Variants in FARS2 observed in about 807,000 individuals in gnomAD.
FARS2 encodes phenylalanine--tRNA ligase, mitochondrial.
A neutral mutation model predicts 46.4 loss-of-function variants in FARS2; 40 were observed. The ratio of observed to expected loss-of-function variants is 0.86; its 90% confidence interval spans 0.67 to 1.12. The LOEUF is 1.12. FARS2 is among the 50% of genes most tolerant of loss of function. FARS2 has a pLI of 0.00. For synonymous variants in FARS2, 234 were observed against 214.9 expected, an observed-to-expected ratio of 1.09 and a Z score of -0.78; for missense variants, 513 against 567.9, an observed-to-expected ratio of 0.90 and a Z score of 0.98.
At chr6:5,607,849 A>G (rs1774930434) in intron 5 of FARS2, among the ~76,000 whole-genome samples, 1 of 152,204 alleles carries the variant, frequency 6.6e-6, no homozygotes, top group African/African-American at 2.4e-5. Context: ...CAAGAAAATC[A>G]GCAGATAAAA....
intron 4 of FARS2, among the ~76,000 whole-genome samples, chr6:5,480,217 G>GCGC (rs1431973854): frequency 6.6e-6 from 1 of 152,244 alleles, no homozygotes; most frequent in Non-Finnish European, 1.5e-5. Context: ...CTAAACGGAT[G>GCGC]CGCCAGAAAT....
chr6:5,716,190 A>G (rs1289766449), intron 6 of FARS2, among the ~76,000 whole-genome samples: 1 of 152,256 alleles, frequency 6.6e-6, no homozygotes, highest in Non-Finnish European at 1.5e-5. Context: ...TTTAAAGAAC[A>G]TAACTGCAAT....
intron 4 of FARS2, among the ~76,000 whole-genome samples, chr6:5,441,769 G>C (rs1266697379): frequency 6.6e-6 from 1 of 152,136 alleles, no homozygotes; most frequent in Non-Finnish European, 1.5e-5. Context: ...TTTACCTAGC[G>C]GTAGAATTGC....
chr6:5,368,448 C>A, intron 1 of FARS2, 102 bp from the exon 2 acceptor site: 1 of 1,024,798 alleles, frequency 9.8e-7, no homozygotes, highest in Non-Finnish European at 1.4e-6. Flanking sequence ...GTGGGGGAAA[C>A]ATGCCAGTAG....
At position 5,368,979 on chromosome 6, in the gene FARS2, A is replaced by G. The variant is rs903869853; in HGVS notation, c.409A>G (p.Ser137Gly). 7.4e-6 allele frequency: 12 copies of G among 1,614,040 alleles called. No individual in the cohort carries two copies. Among genetic ancestry groups the G allele is most frequent in the Admixed American group, 1.7e-5 (1 of 60,008 alleles). Residue 137 changes from serine to glycine, a missense_variant, in exon 2 of 7, where the codon AGC (serine) becomes GGC (glycine). Coordinates refer to ENST00000274680, the MANE Select transcript of FARS2 (RefSeq NM_006567.5). ...CCTGCTCATCCCAGCTGATCACCCC[A>G]GCAGGAAGAAGGGGGACAACTATTA... ...DSLLIPADHP[S>G]RKKGDNYYLN...
chr6:5,546,343 T>C (rs987871994), intron 5 of FARS2, among the ~76,000 whole-genome samples: 15 of 149,756 alleles, frequency 1.0e-4, no homozygotes, highest in South Asian at 6.4e-4. Context: ...CTGCGCCTCC[T>C]GGGTTCAAGC....
intron 4 of FARS2, among the ~76,000 whole-genome samples, chr6:5,438,411 G>T: frequency 6.6e-6 from 1 of 150,580 alleles, no homozygotes. Context: ...TTTCAGATTG[G>T]ATAATTTCCA....
intron 2 of FARS2, among the ~76,000 whole-genome samples, chr6:5,382,430 T>C (rs886266012): frequency 2.6e-5 from 4 of 152,212 alleles, no homozygotes; most frequent in African/African-American, 9.6e-5. Flanking sequence ...TCCCTCTCCT[T>C]TGGTAATAGT....
intron 6 of FARS2, among the ~76,000 whole-genome samples, chr6:5,685,723 T>TGGA (rs1174836532): frequency 1.3e-5 from 2 of 152,044 alleles, no homozygotes; most frequent in Non-Finnish European, 2.9e-5. Context: ...CTATACCCTC[T>TGGA]CTTGGACCAG....
At chr6:5,409,728 C>T (rs1305154396) in intron 3 of FARS2, among the ~76,000 whole-genome samples, 4 of 152,162 alleles carry the variant, frequency 2.6e-5, no homozygotes, top group Admixed American at 6.5e-5. Context: ...GGGAAGAAAG[C>T]CTTTTCTTTT....
rs74394384 is a variant in FARS2, at chr6:5,506,036, G to A, written c.905-39144G>A. 9.6e-3 allele frequency among the ~76,000 whole-genome samples: 1,462 copies of A among 152,290 alleles called. 19 individuals are homozygous for A. Among genetic ancestry groups the A allele is most frequent in the African/African-American group, 0.032 (1,349 of 41,558 alleles). On this transcript the variant is annotated intron_variant, in intron 4 of 6. Coordinates refer to ENST00000274680, the MANE Select transcript of FARS2 (RefSeq NM_006567.5). ...CAGCTTTATTTCTCCTCAGCTGATG[G>A]AATCACATGGCTTTGCATCTGCATC...
In FARS2 at chr6:5,719,757, G is replaced by C. The variant is rs148901286; in HGVS notation, c.1218-51534G>C. On this transcript the variant is annotated intron_variant, in intron 6 of 6. Transcript: ENST00000274680. ...AGGTACATCTTACCAAGACAAGGTA[G>C]TTCAAGTTCAGGTTCTGTAGCATCA... Among the ~76,000 whole-genome samples the C allele has an allele frequency of 5.0e-4, 76 of 152,330 alleles. 1 individual carries two copies. Among genetic ancestry groups the C allele is most frequent in the African/African-American group, 1.8e-3 (74 of 41,574 alleles).
At chr6:5,327,670 A>T (rs1455659841) in intron 1 of FARS2, among the ~76,000 whole-genome samples, 1 of 152,134 alleles carries the variant, frequency 6.6e-6, no homozygotes, top group South Asian at 2.1e-4. Flanking sequence ...TTTATAAATT[A>T]CCCAATCTCG....
intron 6 of FARS2, among the ~76,000 whole-genome samples, chr6:5,676,373 G>C (rs1778768295): frequency 6.6e-6 from 1 of 152,170 alleles, no homozygotes; most frequent in African/African-American, 2.4e-5. Context: ...ACACATATTA[G>C]ACTGGATACA....
intron 6 of FARS2, among the ~76,000 whole-genome samples, chr6:5,700,535 A>G (rs903281336): frequency 1.3e-5 from 2 of 152,026 alleles, no homozygotes; most frequent in African/African-American, 4.8e-5. Flanking sequence ...GTAGCTGGGA[A>G]TACAGGTGCG....
At chr6:5,659,589 C>T (rs1183527718) in intron 6 of FARS2, among the ~76,000 whole-genome samples, 1 of 152,198 alleles carries the variant, frequency 6.6e-6, no homozygotes, top group Non-Finnish European at 1.5e-5. Flanking sequence ...ATGCCTGTCT[C>T]TCCATGTATC....
chr6:5,676,450 C>T (rs113408044), intron 6 of FARS2, among the ~76,000 whole-genome samples: 44 of 152,258 alleles, frequency 2.9e-4, no homozygotes, highest in African/African-American at 9.9e-4. Context: ...TTTTATTGCA[C>T]ATGCCTGTGG....
intron 6 of FARS2, among the ~76,000 whole-genome samples, chr6:5,734,267 C>T (rs933933679): frequency 2.6e-5 from 4 of 152,198 alleles, no homozygotes; most frequent in South Asian, 2.1e-4. Flanking sequence ...CAGAGGAGCA[C>T]AAGAGCCTGC....
chr6:5,756,321 A>C (rs1762202608), intron 6 of FARS2, among the ~76,000 whole-genome samples: 1 of 152,234 alleles, frequency 6.6e-6, no homozygotes, highest in South Asian at 2.1e-4. Flanking sequence ...TACATATTGT[A>C]TTAGTTCATT....
Sources: allele counts gnomAD v4.1 joint callset (sites outside exome capture counted in the v4.1 genomes callset), GRCh38; gene constraint gnomAD v4.1.1; transcripts MANE v1.5; gene names NCBI Gene and HGNC (gene_info 2026-07-23, HGNC 2026-07-21).